BTBD16: variants seen among roughly 807,000 people sequenced by gnomAD.
BTBD16 encodes BTB/POZ domain-containing protein 16.
In BTBD16, 66 loss-of-function variants were observed where a neutral mutation model predicts 67.4. The observed-to-expected ratio is 0.98, with a 90% CI of 0.80 to 1.20. The LOEUF (loss-of-function observed/expected upper bound fraction) is 1.20. Among genes scored for constraint, BTBD16 ranks in the 50% most tolerant of loss-of-function variants. The pLI is 0.00. For synonymous variants in BTBD16, 242 were observed against 236.4 expected, an observed-to-expected ratio of 1.02 and a Z score of -0.22; for missense variants, 634 against 616.0, an observed-to-expected ratio of 1.03 and a Z score of -0.31.
intron 10 of BTBD16, among the ~76,000 whole-genome samples, chr10:122,307,693 G>A (rs1251101793): frequency 6.6e-6 from 1 of 152,088 alleles, no homozygotes; most frequent in South Asian, 2.1e-4. Context: ...AGTAACTGGT[G>A]GTATTACCTT....
chr10:122,317,545 G>T (rs549476313), intron 10 of BTBD16, among the ~76,000 whole-genome samples: 17 of 152,238 alleles, frequency 1.1e-4, no homozygotes, highest in Admixed American at 9.8e-4. Context: ...TACTTGGGAG[G>T]CTGAGGCAGG....
At chr10:122,304,326 G>T (rs768371259) in intron 9 of BTBD16, among the ~76,000 whole-genome samples, 1 of 152,138 alleles carries the variant, frequency 6.6e-6, no homozygotes, top group South Asian at 2.1e-4. Context: ...TTAGAGTCAC[G>T]GTTTGTCTTT....
intron 8 of BTBD16, 54 bp downstream of exon 8, chr10:122,297,891 GCCTAGATGCTGGGATTTTA>G: frequency 6.5e-7 from 1 of 1,550,084 alleles, no homozygotes; most frequent in Non-Finnish European, 8.9e-7. Flanking sequence ...TTCAGGAGCA[GCCTAGATGCTGGGATTTTA>G]CCCACCAGGC....
chr10:122,277,285 G>A (rs1018433243), intron 3 of BTBD16, among the ~76,000 whole-genome samples: 1 of 151,524 alleles, frequency 6.6e-6, no homozygotes, highest in African/African-American at 2.4e-5. Flanking sequence ...CTGGCTCAGT[G>A]TTTAGACAGC....
At chr10:122,287,566 G>A (rs1375428239) in intron 5 of BTBD16, 12 of 784,422 alleles carry the variant, frequency 1.5e-5, no homozygotes, top group South Asian at 5.7e-5. Flanking sequence ...TCCATGGACC[G>A]ATCAAGCCAT....
Position 122,299,019 on chromosome 10 carries a change from C to A in BTBD16, c.676C>A (p.Leu226Ile). The A allele has an allele frequency of 6.2e-7, 1 of 1,614,004 alleles. No homozygotes were observed. The highest frequency in any genetic ancestry group is 8.5e-7 in the Non-Finnish European group (1 of 1,180,014). Reference protein sequence around the residue: ...EAGCKYKEEQLTTGCEKWLEM... With the variant: ...EAGCKYKEEQITTGCEKWLEM... ...TTTGTCTTAGTACAAGGAAGAGCAG[C>A]TCACCACCGGCTGCGAGAAGTGGCT... Residue 226 changes from leucine (L) to isoleucine (I), a missense_variant, in exon 9 of 16, where the codon CTC (leucine) becomes ATC (isoleucine). Leu to Ile is a conservative substitution (Grantham distance 5). Transcript: ENST00000260723.
At chr10:122,325,037 A>C (rs1266936048) in intron 10 of BTBD16, among the ~76,000 whole-genome samples, 1 of 152,212 alleles carries the variant, frequency 6.6e-6, no homozygotes, top group Non-Finnish European at 1.5e-5. Flanking sequence ...TGAAAAGCTG[A>C]TAGGTCATGG....
chr10:122,296,733 T>C (rs2096383950), intron 7 of BTBD16, among the ~76,000 whole-genome samples: 1 of 152,136 alleles, frequency 6.6e-6, no homozygotes, highest in Non-Finnish European at 1.5e-5. Context: ...AAGGAAGTCA[T>C]GCAAATCAAA....
chr10:122,300,005 T>G (rs897500301), intron 9 of BTBD16, among the ~76,000 whole-genome samples: 1 of 152,188 alleles, frequency 6.6e-6, no homozygotes, highest in African/African-American at 2.4e-5. Flanking sequence ...TCCTCCTACC[T>G]GAAATGCCTG....
intron 4 of BTBD16, among the ~76,000 whole-genome samples, chr10:122,285,733 G>A (rs2096362344): frequency 6.6e-6 from 1 of 152,152 alleles, no homozygotes; most frequent in South Asian, 2.1e-4. Flanking sequence ...CACTGTCATA[G>A]GGGAAGCCAG....
chr10:122,285,495 T>A (rs1224302466), intron 4 of BTBD16, among the ~76,000 whole-genome samples: 1 of 152,182 alleles, frequency 6.6e-6, no homozygotes, highest in Non-Finnish European at 1.5e-5. Flanking sequence ...TCATGCTTTG[T>A]ATTCATAGCC....
intron 9 of BTBD16, among the ~76,000 whole-genome samples, chr10:122,300,463 A>G (rs1292173668): frequency 6.6e-6 from 1 of 152,116 alleles, no homozygotes; most frequent in African/African-American, 2.4e-5. Flanking sequence ...CTGCGTCTCT[A>G]CGTGTATCTA....
At chr10:122,325,408 C>A (rs2096442720) in intron 10 of BTBD16, among the ~76,000 whole-genome samples, 1 of 152,150 alleles carries the variant, frequency 6.6e-6, no homozygotes, top group Admixed American at 6.5e-5. Flanking sequence ...AGTCTCAGCC[C>A]CACCTCTGCC....
At chr10:122,275,219 G>A in intron 2 of BTBD16, 120 bp downstream of exon 2, 1 of 970,350 alleles carries the variant, frequency 1.0e-6, no homozygotes, top group Non-Finnish European at 1.6e-6. Context: ...AGCATTATTG[G>A]CTGACTCGGC....
chr10:122,299,123 GA>G lies in BTBD16; in HGVS notation c.782del (p.Lys261SerfsTer14). The G allele has an allele frequency of 1.2e-6, 2 of 1,613,860 alleles. No homozygotes were observed. Among genetic ancestry groups the G allele is most frequent in the Non-Finnish European group, 1.7e-6 (2 of 1,179,948 alleles). ...IPQDLLHKVL[K>X]SPRLFTFSEF... ...CACAGGACCTGCTCCACAAAGTGCT[GA>G]AGTCCCCCAGGTCAGAGCTGGCTCC... On this transcript the variant is annotated frameshift_variant, in exon 9 of 16. Transcript: ENST00000260723. LOFTEE classifies it high-confidence loss of function.
intron 5 of BTBD16, among the ~76,000 whole-genome samples, chr10:122,287,941 A>T (rs2096366927): frequency 6.6e-6 from 1 of 152,170 alleles, no homozygotes; most frequent in Non-Finnish European, 1.5e-5. Flanking sequence ...TTGATATCTT[A>T]TCCAATTTTG....
rs914523556 is a variant in BTBD16, at chr10:122,329,506, A to G, written c.938A>G (p.Asp313Gly). The change falls in exon 11 of 16, where the codon GAC (aspartate) becomes GGC (glycine). Residue 313 changes from aspartate to glycine, a missense_variant. By Grantham distance (94) the Asp-to-Gly change is moderately conservative. Coordinates refer to ENST00000260723, the MANE Select transcript of BTBD16 (RefSeq NM_144587.5). The stretch of plus-strand genomic sequence containing the variant: ...TTTCCTGAGAACTGTTGCTTTCTGG[A>G]CCGGGACATAGGACGGAGCTTGAGG... ...KSFPENCCFL[D>G]RDIGRSLRPL... The G allele has an allele frequency of 6.2e-7, 1 of 1,613,784 alleles. No homozygotes were observed. Among genetic ancestry groups the G allele is most frequent in the Non-Finnish European group, 8.5e-7 (1 of 1,179,950 alleles).
chr10:122,309,398 G>T (rs2096409517), intron 10 of BTBD16, among the ~76,000 whole-genome samples: 2 of 150,994 alleles, frequency 1.3e-5, no homozygotes, highest in Non-Finnish European at 1.5e-5. Context: ...AGGCTGGAGT[G>T]CAGTAGCGCC....
intron 5 of BTBD16, 118 bp downstream of exon 5, chr10:122,286,366 C>A: frequency 7.1e-7 from 1 of 1,404,498 alleles, no homozygotes; most frequent in Non-Finnish European, 9.4e-7. Context: ...AAGAGTAAGG[C>A]TCCACAGTGT....
Sources: gnomAD v4.1 joint callset for allele counts (sites outside exome capture counted in the v4.1 genomes callset) on GRCh38, gnomAD v4.1.1 for gene constraint, MANE v1.5 for transcripts, NCBI Gene and HGNC (gene_info 2026-07-23, HGNC 2026-07-21) for gene names.